RARB: variants seen among roughly 807,000 people sequenced by gnomAD.
RARB encodes the protein retinoic acid receptor beta, also known as HBV-activated protein.
In RARB, 17 loss-of-function variants were observed where a neutral mutation model predicts 51.9. The ratio of observed to expected loss-of-function variants is 0.33; its 90% confidence interval spans 0.22 to 0.49. The LOEUF (loss-of-function observed/expected upper bound fraction) is 0.49, where lower values mean the gene tolerates loss of function less well. Among genes scored for constraint, RARB ranks in the 20% least tolerant of loss-of-function variants. The probability of loss-of-function intolerance (pLI) is 0.99; values close to 1 mark genes in which losing one functional copy is unlikely to be tolerated. For synonymous variants in RARB, 215 were observed against 195.4 expected, an observed-to-expected ratio of 1.10 and a Z score of -0.84; for missense variants, 369 against 550.8, an observed-to-expected ratio of 0.67 and a Z score of 3.30.
chr3:24,885,913 C>T (rs527948202), intron 2 of RARB, among the ~76,000 whole-genome samples: 20 of 152,242 alleles, frequency 1.3e-4, no homozygotes, highest in Non-Finnish European at 2.4e-4. Flanking sequence ...TAAAACATTG[C>T]TCTATATTTC....
At chr3:25,277,973 G>C (rs1057005881) in intron 5 of RARB, among the ~76,000 whole-genome samples, 1 of 152,062 alleles carries the variant, frequency 6.6e-6, no homozygotes. Flanking sequence ...TTTCTCTCTT[G>C]TGTCTTCTTT....
At chr3:24,991,885 C>A (rs373619854) in intron 2 of RARB, among the ~76,000 whole-genome samples, 6 of 152,186 alleles carry the variant, frequency 3.9e-5, no homozygotes, top group African/African-American at 1.4e-4. Flanking sequence ...TCCCTATCTC[C>A]CCCTGCCCCC....
chr3:25,367,279 C>T (rs1200837049), intron 5 of RARB, among the ~76,000 whole-genome samples: 1 of 152,166 alleles, frequency 6.6e-6, no homozygotes, highest in Non-Finnish European at 1.5e-5. Context: ...TCTCCTCTGG[C>T]ACCCAGCATA....
intron 2 of RARB, among the ~76,000 whole-genome samples, chr3:25,057,882 A>T (rs929493608): frequency 2.0e-5 from 3 of 151,994 alleles, no homozygotes; most frequent in Non-Finnish European, 4.4e-5. Flanking sequence ...ACAGAAATTG[A>T]ATTATTACTT....
intron 1 of RARB, among the ~76,000 whole-genome samples, chr3:25,433,407 T>G (rs989493535): frequency 6.6e-6 from 1 of 152,252 alleles, no homozygotes; most frequent in African/African-American, 2.4e-5. Flanking sequence ...GTCATTCTTA[T>G]GAACATGAAT....
At chr3:25,224,042 C>T (rs958737) in intron 5 of RARB, among the ~76,000 whole-genome samples, 71,138 of 151,964 alleles carry the variant, frequency 0.47, 17,761 homozygotes, top group East Asian at 0.68. Context: ...CTTGGAAACA[C>T]AACACCATAG....
chr3:24,876,359 T>G (rs1169817306), intron 2 of RARB, among the ~76,000 whole-genome samples: 1 of 152,114 alleles, frequency 6.6e-6, no homozygotes, highest in Non-Finnish European at 1.5e-5. Flanking sequence ...CTTCCCTCAT[T>G]TCTTCTATAT....
intron 2 of RARB, among the ~76,000 whole-genome samples, chr3:24,920,308 T>G (rs904290652): frequency 1.3e-5 from 2 of 152,200 alleles, no homozygotes; most frequent in African/African-American, 4.8e-5. Context: ...GAACAAATAT[T>G]TCCTTAATAT....
At chr3:24,835,781 A>G (rs1412575380) in intron 1 of RARB, among the ~76,000 whole-genome samples, 1 of 152,228 alleles carries the variant, frequency 6.6e-6, no homozygotes, top group African/African-American at 2.4e-5. Context: ...CACAGTATCT[A>G]CATTAATATG....
At chr3:25,367,626 A>T (rs1706161029) in intron 5 of RARB, among the ~76,000 whole-genome samples, 1 of 148,648 alleles carries the variant, frequency 6.7e-6, no homozygotes, top group Non-Finnish European at 1.5e-5. Context: ...GACCAGCCTA[A>T]GCAACATGGT....
intron 2 of RARB, among the ~76,000 whole-genome samples, chr3:25,026,810 C>T (rs1420083374): frequency 1.3e-5 from 2 of 152,168 alleles, no homozygotes; most frequent in African/African-American, 2.4e-5. Context: ...TTCAGGTTAC[C>T]CCAACATGAC....
intron 3 of RARB, among the ~76,000 whole-genome samples, chr3:25,545,040 C>A (rs979368741): frequency 6.6e-6 from 1 of 152,196 alleles, no homozygotes; most frequent in African/African-American, 2.4e-5. Context: ...CAGCTCACAG[C>A]AACCTCTGCC....
At chr3:25,337,323 A>G (rs1015598913) in intron 5 of RARB, among the ~76,000 whole-genome samples, 5 of 152,200 alleles carry the variant, frequency 3.3e-5, no homozygotes, top group African/African-American at 4.8e-5. Context: ...TGATTCTCCA[A>G]TTCAGAATCC....
At chr3:25,286,805 A>G (rs1291174995) in intron 5 of RARB, among the ~76,000 whole-genome samples, 1 of 152,224 alleles carries the variant, frequency 6.6e-6, no homozygotes, top group African/African-American at 2.4e-5. Flanking sequence ...TACATTTCAC[A>G]GAGGAATGAA....
chr3:25,198,687 G>T (rs776515465), intron 5 of RARB, among the ~76,000 whole-genome samples: 2 of 151,816 alleles, frequency 1.3e-5, no homozygotes, highest in Non-Finnish European at 2.9e-5. Context: ...TATATGGAAA[G>T]GTGGCCAACC....
chr3:25,151,083 G>C (rs1261373973), intron 4 of RARB, among the ~76,000 whole-genome samples: 1 of 152,156 alleles, frequency 6.6e-6, no homozygotes, highest in African/African-American at 2.4e-5. Flanking sequence ...AACTCATTTT[G>C]TGTTCTCTTT....
chr3:25,203,933 C>A (rs907506253), intron 5 of RARB, among the ~76,000 whole-genome samples: 5 of 152,124 alleles, frequency 3.3e-5, no homozygotes, highest in Admixed American at 1.3e-4. Flanking sequence ...TGAGGAGTAT[C>A]TTTGGGGAGT....
At chr3:25,359,114 C>A (rs1325651267) in intron 5 of RARB, among the ~76,000 whole-genome samples, 1 of 151,830 alleles carries the variant, frequency 6.6e-6, no homozygotes. Context: ...TGGTTCTGGG[C>A]TTTTTTTGGT....
At chr3:24,992,015 G>T (rs897533525) in intron 2 of RARB, among the ~76,000 whole-genome samples, 2 of 152,184 alleles carry the variant, frequency 1.3e-5, no homozygotes, top group East Asian at 3.9e-4. Context: ...TGGGTAGTCT[G>T]TTTGGCTCTC....
Sources: gnomAD v4.1 joint callset for allele counts (sites outside exome capture counted in the v4.1 genomes callset) on GRCh38, gnomAD v4.1.1 for gene constraint, MANE v1.5 for transcripts, NCBI Gene and HGNC (gene_info 2026-07-23, HGNC 2026-07-21) for gene names.